Variants in PPP4R3B observed in about 807,000 individuals in gnomAD.
PPP4R3B encodes the protein serine/threonine-protein phosphatase 4 regulatory subunit 3B.
Under a neutral mutation model 95.4 loss-of-function variants are expected in PPP4R3B, and 52 were observed. The observed-to-expected ratio is 0.54, with a 90% CI of 0.44 to 0.69. The LOEUF (loss-of-function observed/expected upper bound fraction) is 0.69. Among genes scored for constraint, PPP4R3B ranks in the 30% least tolerant of loss-of-function variants. The pLI is 0.00. For synonymous variants in PPP4R3B, 407 were observed against 343.9 expected (o/e 1.18, Z -2.03); for missense variants, 1,003 against 1,005.9 (o/e 1.00, Z 0.04).
intron 6 of PPP4R3B, 58 bp downstream of exon 6, chr2:55,586,560 A>G (rs972220739): frequency 2.1e-6 from 2 of 957,896 alleles, no homozygotes; most frequent in Non-Finnish European, 3.3e-6. Context: ...CCCATCCATA[A>G]CATAAGTGTA....
rs1689463631 is a variant in PPP4R3B at position 55,581,711 on chromosome 2, C to T, written c.1234-13G>A. ...TAAGAAGAATATCCTGGTGGCAAAA[C>T]AAAACAAAACAAAACATGTTTCCAT... On this transcript the variant is annotated splice_polypyrimidine_tract_variant and intron_variant, in intron 7 of 16. Coordinates refer to ENST00000616407, the MANE Select transcript of PPP4R3B (RefSeq NM_001122964.3). 6.2e-7 allele frequency: 1 copy of T among 1,605,816 alleles called. No homozygotes were observed. The highest frequency in any genetic ancestry group is 1.3e-5 in the African/African-American group (1 of 74,628).
chr2:55,582,332 G>T (rs967206647), intron 7 of PPP4R3B, among the ~76,000 whole-genome samples: 3 of 151,892 alleles, frequency 2.0e-5, no homozygotes, highest in African/African-American at 7.3e-5. Context: ...GGGCAATCTG[G>T]GCTCACTGCC....
At chr2:55,603,010 A>G (rs955301763) in intron 3 of PPP4R3B, among the ~76,000 whole-genome samples, 9 of 148,488 alleles carry the variant, frequency 6.1e-5, no homozygotes, top group East Asian at 2.0e-4. Context: ...ACTGGAGTGT[A>G]GTGGCATTAT....
Position 55,588,907 on chromosome 2 carries a change from G to A in PPP4R3B, c.971C>T (p.Ala324Val), listed in dbSNP as rs766524257. The change falls in exon 5 of 17, where the codon GCT becomes GTT. Residue 324 changes from alanine to valine, a missense_variant. Physicochemically the swap from Ala to Val is moderately conservative, Grantham distance 64 (BLOSUM62 0). Around this residue, in one of 3 missense-constraint regions of PPP4R3B, gnomAD observed 695 missense variants for 686.2 expected, o/e 1.01. Coordinates refer to ENST00000616407, the MANE Select transcript of PPP4R3B (RefSeq NM_001122964.3). ...TTCACGCCGTTTATCATCATCTGTA[G>A]CCTCATCTGTTAATTGTGCAAAAAC... ...SEVFAQLTDE[A>V]TDDDKRRELV... The A allele has an allele frequency of 1.1e-5, 17 of 1,610,252 alleles. No individual in the cohort carries two copies. The highest frequency in any genetic ancestry group is 8.8e-5 in the South Asian group (8 of 90,522).
At chr2:55,579,489 T>C (rs986997990) in intron 9 of PPP4R3B, among the ~76,000 whole-genome samples, 190 bp downstream of exon 9, 7 of 138,732 alleles carry the variant, frequency 5.0e-5, no homozygotes, top group African/African-American at 1.8e-4. Context: ...AAGAATAGTC[T>C]TGCCACATTT....
At chr2:55,586,781 G>T in intron 5 of PPP4R3B, 47 bp from the exon 6 acceptor site, 1 of 1,154,054 alleles carries the variant, frequency 8.7e-7, no homozygotes. Context: ...CATAAACTTG[G>T]GGCACACTAT....
chr2:55,567,245 GCTA>G (rs1041667975), intron 13 of PPP4R3B, among the ~76,000 whole-genome samples: 5 of 152,130 alleles, frequency 3.3e-5, no homozygotes, highest in African/African-American at 1.2e-4. Context: ...TCCTGATTGT[GCTA>G]CTATCCAAAA....
chr2:55,557,702 C>G (rs1165979772), intron 16 of PPP4R3B, among the ~76,000 whole-genome samples: 2 of 152,110 alleles, frequency 1.3e-5, no homozygotes, highest in African/African-American at 4.8e-5. Flanking sequence ...AAACAAGATG[C>G]ATTCCTTTAA....
chr2:55,607,886 A>T (rs1368030587), intron 2 of PPP4R3B, among the ~76,000 whole-genome samples: 1 of 152,218 alleles, frequency 6.6e-6, no homozygotes, highest in East Asian at 1.9e-4. Context: ...CAGCCATCCA[A>T]TGCCTTTTCC....
At chr2:55,606,029 T>C (rs1693340522) in intron 2 of PPP4R3B, among the ~76,000 whole-genome samples, 1 of 149,000 alleles carries the variant, frequency 6.7e-6, no homozygotes, top group Admixed American at 6.7e-5. Context: ...CCTCCATATA[T>C]AAAAAAAAGA....
chr2:55,611,670 T>C (rs1694181064), intron 2 of PPP4R3B, among the ~76,000 whole-genome samples: 1 of 152,222 alleles, frequency 6.6e-6, no homozygotes, highest in African/African-American at 2.4e-5. Context: ...ATTTAGTAGT[T>C]GGCTCATTTT....
At chr2:55,567,039 T>C (rs1020847874) in intron 13 of PPP4R3B, among the ~76,000 whole-genome samples, 2 of 152,154 alleles carry the variant, frequency 1.3e-5, no homozygotes, top group African/African-American at 4.8e-5. Flanking sequence ...AAACCCAAAT[T>C]CTTTCCAACT....
chr2:55,608,645 GGAT>G (rs1487382088), intron 2 of PPP4R3B, among the ~76,000 whole-genome samples: 3 of 152,068 alleles, frequency 2.0e-5, no homozygotes, highest in Non-Finnish European at 4.4e-5. Context: ...TAAGTATTTT[GGAT>G]CATGTCATCA....
At chr2:55,561,737 A>G (rs1012070874) in intron 15 of PPP4R3B, among the ~76,000 whole-genome samples, 10 of 152,148 alleles carry the variant, frequency 6.6e-5, no homozygotes, top group Non-Finnish European at 1.2e-4. Flanking sequence ...GTTTTGGCCA[A>G]TTTCTTCCAT....
At chr2:55,578,209 A>C in intron 10 of PPP4R3B, 38 bp downstream of exon 10, 1 of 1,347,034 alleles carries the variant, frequency 7.4e-7, no homozygotes, top group East Asian at 2.8e-5. Flanking sequence ...TAACAACATA[A>C]GTAAATATAG....
chr2:55,598,425 G>A lies in PPP4R3B; in HGVS notation c.912C>T (p.Ser304=). The A allele has an allele frequency of 6.2e-7, 1 of 1,613,238 alleles. No homozygotes were observed. The highest frequency in any genetic ancestry group is 8.5e-7 in the Non-Finnish European group (1 of 1,179,722). Residue 304 remains serine, a synonymous_variant, in exon 4 of 17, where the codon AGC becomes AGT. Coordinates refer to ENST00000616407, the MANE Select transcript of PPP4R3B (RefSeq NM_001122964.3). ...GTATCTTTTTACTTACCTGCAACATGCTGACTATCTCAACTTTGTTGAAGA... is the reference window on the plus strand; with the variant it reads ...GTATCTTTTTACTTACCTGCAACATACTGACTATCTCAACTTTGTTGAAGA... The part of the protein sequence containing the change: ...FIFFNKVEIV[S]MLQEDEKFLS...
At chr2:55,608,901 CA>C (rs1693780190) in intron 2 of PPP4R3B, among the ~76,000 whole-genome samples, 1 of 152,040 alleles carries the variant, frequency 6.6e-6, no homozygotes, top group Non-Finnish European at 1.5e-5. Flanking sequence ...GGGAGGATCG[CA>C]CCTAGGAGGT....
intron 15 of PPP4R3B, among the ~76,000 whole-genome samples, chr2:55,561,181 G>A (rs987524981): frequency 9.9e-5 from 15 of 152,222 alleles, no homozygotes; most frequent in Admixed American, 5.2e-4. Flanking sequence ...GCTTTAGAGC[G>A]TGCAAGCCCC....
intron 16 of PPP4R3B, among the ~76,000 whole-genome samples, chr2:55,557,456 G>C (rs1397045686): frequency 6.6e-6 from 1 of 152,186 alleles, no homozygotes; most frequent in Admixed American, 6.5e-5. Flanking sequence ...GCCTCCCACA[G>C]TGCTAGGATA....
Sources: allele counts gnomAD v4.1 joint callset (sites outside exome capture counted in the v4.1 genomes callset), GRCh38; gene constraint gnomAD v4.1.1; regional missense constraint gnomAD v4.1.1; transcripts MANE v1.5; gene names NCBI Gene and HGNC (gene_info 2026-07-23, HGNC 2026-07-21).